LIPC: variants seen among roughly 807,000 people sequenced by gnomAD.
The protein encoded by LIPC is hepatic triacylglycerol lipase.
LIPC carries 44 observed loss-of-function variants against 50.7 expected under a neutral mutation model. That is an observed-to-expected ratio of 0.87 (90% CI 0.68 to 1.11). The LOEUF (loss-of-function observed/expected upper bound fraction) is 1.11. LIPC is among the 50% of genes most tolerant of loss of function. The probability of loss-of-function intolerance (pLI) is 0.00; values close to 1 mark genes in which losing one functional copy is unlikely to be tolerated. For missense variants in LIPC, 697 were observed against 648.2 expected (o/e 1.08, Z -0.82); for synonymous variants, 271 against 256.4 (o/e 1.06, Z -0.54).
intron 1 of LIPC, among the ~76,000 whole-genome samples, chr15:58,493,823 C>A (rs1360269808): frequency 6.6e-6 from 1 of 151,294 alleles, no homozygotes; most frequent in African/African-American, 2.4e-5. Flanking sequence ...GAAATTGAAA[C>A]CTCCTTAAGC....
At position 58,545,729 on chromosome 15, in the gene LIPC, G is replaced by C; in HGVS notation, c.575-13G>C. On this transcript the variant is annotated splice_polypyrimidine_tract_variant and intron_variant, in intron 4 of 8. Transcript: ENST00000299022. ...TTGCTCCTGCGTAACCCTTACCCCT[G>C]CTTTCCCATTAGGGCTGGATGCCGC... 2 of 1,612,668 alleles carry C rather than the reference G, an allele frequency of 1.2e-6. No homozygotes were observed. The highest frequency in any genetic ancestry group is 1.7e-6 in the Non-Finnish European group (2 of 1,178,708).
chr15:58,486,215 G>C (rs1326868267), intron 1 of LIPC, among the ~76,000 whole-genome samples: 1 of 152,152 alleles, frequency 6.6e-6, no homozygotes, highest in Non-Finnish European at 1.5e-5. Flanking sequence ...TCTGCCTGGA[G>C]AGTCCCACTC....
Position 58,545,778 on chromosome 15 carries a change from C to G in LIPC, c.611C>G (p.Ala204Gly). The change falls in exon 5 of 9, where the codon GCC (alanine) becomes GGC (glycine). Residue 204 changes from alanine to glycine, a missense_variant. Ala to Gly is a moderately conservative substitution (Grantham distance 60). Transcript: ENST00000299022. ...GCGGGACCTTTGTTTGAGGGAAGTG[C>G]CCCCAGCAATCGTCTTTCTCCAGAT... is the stretch of plus-strand genomic sequence containing the variant. ...DAAGPLFEGS[A>G]PSNRLSPDDA... The G allele has an allele frequency of 6.2e-7, 1 of 1,614,126 alleles. No homozygotes were observed.
chr15:58,548,590 G>A lies in LIPC; in HGVS notation c.1051+18G>A. On this transcript the variant is annotated intron_variant, in intron 6 of 8. Coordinates refer to ENST00000299022, the MANE Select transcript of LIPC (RefSeq NM_000236.3). ...CTTCAAAGGTGAGTGTGGAGCTGGGGAGCCTTCAGAAGGGCAGGATGCAGT... is the reference window on the plus strand; with the variant it reads ...CTTCAAAGGTGAGTGTGGAGCTGGGAAGCCTTCAGAAGGGCAGGATGCAGT... 2.5e-6 allele frequency: 4 copies of A among 1,582,174 alleles called. No individual in the cohort carries two copies. Among genetic ancestry groups the A allele is most frequent in the Non-Finnish European group, 2.6e-6 (3 of 1,165,752 alleles).
intron 1 of LIPC, among the ~76,000 whole-genome samples, chr15:58,525,173 C>A (rs1353092402): frequency 3.9e-5 from 6 of 152,186 alleles, no homozygotes; most frequent in Non-Finnish European, 1.5e-5. Flanking sequence ...TAAAGTCCAT[C>A]TTTACCCCAG....
intron 1 of LIPC, among the ~76,000 whole-genome samples, chr15:58,488,964 C>A (rs1438814802): frequency 6.6e-6 from 1 of 152,106 alleles, no homozygotes; most frequent in African/African-American, 2.4e-5. Context: ...GCAAGTGGTC[C>A]TGATGGCTAC....
chr15:58,433,675 T>C (rs149788550), intron 1 of LIPC, among the ~76,000 whole-genome samples: 2 of 152,302 alleles, frequency 1.3e-5, no homozygotes, highest in Non-Finnish European at 2.9e-5. Flanking sequence ...GAGATAGAGG[T>C]TGAAGGGAGG....
intron 1 of LIPC, among the ~76,000 whole-genome samples, chr15:58,527,978 T>C (rs1328580530): frequency 6.6e-6 from 1 of 151,980 alleles, no homozygotes; most frequent in Non-Finnish European, 1.5e-5. Flanking sequence ...ACATCCAACA[T>C]GCTTTCAGCC....
At chr15:58,498,128 C>T (rs1891838579) in intron 1 of LIPC, among the ~76,000 whole-genome samples, 1 of 152,120 alleles carries the variant, frequency 6.6e-6, no homozygotes, top group South Asian at 2.1e-4. Context: ...AAGTGATTAA[C>T]AGGAAAGGGA....
intron 1 of LIPC, among the ~76,000 whole-genome samples, chr15:58,472,581 A>AAG (rs1252945557): frequency 2.6e-5 from 4 of 151,680 alleles, no homozygotes; most frequent in Non-Finnish European, 4.4e-5. Flanking sequence ...TGTCTCAAAA[A>AAG]AAAAAAAAAA....
chr15:58,492,224 T>C (rs1224248208), intron 1 of LIPC, among the ~76,000 whole-genome samples: 3 of 152,178 alleles, frequency 2.0e-5, no homozygotes, highest in Non-Finnish European at 2.9e-5. Flanking sequence ...CTTTGATGTT[T>C]GTGAATGGCA....
At chr15:58,559,064 CT>C (rs1408392899) in intron 6 of LIPC, among the ~76,000 whole-genome samples, 4 of 152,214 alleles carry the variant, frequency 2.6e-5, no homozygotes, top group African/African-American at 2.4e-5. Flanking sequence ...GCAGTACCCT[CT>C]GCTGGGCTTG....
chr15:58,449,098 A>G (rs1313250257), intron 1 of LIPC, among the ~76,000 whole-genome samples: 1 of 152,062 alleles, frequency 6.6e-6, no homozygotes, highest in African/African-American at 2.4e-5. Context: ...CCAGGGGAGG[A>G]GGGAGCGATT....
chr15:58,474,836 C>T (rs1890936674), intron 1 of LIPC, among the ~76,000 whole-genome samples: 1 of 152,182 alleles, frequency 6.6e-6, no homozygotes, highest in African/African-American at 2.4e-5. Context: ...CAAAGCTACT[C>T]CTGCATGGAG....
intron 7 of LIPC, among the ~76,000 whole-genome samples, chr15:58,562,054 T>A (rs1159319730): frequency 6.6e-6 from 1 of 152,214 alleles, no homozygotes; most frequent in African/African-American, 2.4e-5. Context: ...AGCTCTTACC[T>A]ACAGCAGAAA....
intron 1 of LIPC, among the ~76,000 whole-genome samples, chr15:58,500,952 T>C (rs1891966017): frequency 6.6e-6 from 1 of 152,060 alleles, no homozygotes; most frequent in Non-Finnish European, 1.5e-5. Flanking sequence ...TTGATACTTT[T>C]GGGGTGCATT....
At chr15:58,497,929 C>T (rs1808387470) in intron 1 of LIPC, 1 of 152,184 alleles carries the variant, frequency 6.6e-6, no homozygotes, top group Non-Finnish European at 1.5e-5. Context: ...ATTATGTATT[C>T]ATGATGTATT....
At chr15:58,497,075 T>A (rs1489862786) in intron 1 of LIPC, among the ~76,000 whole-genome samples, 2 of 152,100 alleles carry the variant, frequency 1.3e-5, no homozygotes, top group Non-Finnish European at 2.9e-5. Flanking sequence ...TCCTTGGAGG[T>A]GTCCATTGGG....
At chr15:58,451,867 A>G (rs1202002521) in intron 1 of LIPC, among the ~76,000 whole-genome samples, 2 of 152,184 alleles carry the variant, frequency 1.3e-5, no homozygotes, top group African/African-American at 4.8e-5. Context: ...AAGGTGGGCT[A>G]TCGTAGCTAA....
Sources: gnomAD v4.1 joint callset for allele counts (sites outside exome capture counted in the v4.1 genomes callset) on GRCh38, gnomAD v4.1.1 for gene constraint, MANE v1.5 for transcripts, NCBI Gene and HGNC (gene_info 2026-07-23, HGNC 2026-07-21) for gene names.